The following DAD1 variants were observed in gnomAD, a reference collection of about 807,000 sequenced individuals.
The protein encoded by DAD1 is defender against cell death 1, also known as dolichyl-diphosphooligosaccharide--protein glycosyltransferase subunit DAD1.
A neutral mutation model predicts 9.0 loss-of-function variants in DAD1; 4 were observed. The observed-to-expected ratio is 0.44, with a 90% CI of 0.22 to 1.01. The LOEUF (loss-of-function observed/expected upper bound fraction) is 1.01, where lower values mean the gene tolerates loss of function less well. Ranked by LOEUF, DAD1 falls within the 50% of genes least tolerant of loss-of-function variation. The probability of loss-of-function intolerance (pLI) is 0.24; values close to 1 mark genes in which losing one functional copy is unlikely to be tolerated. For synonymous variants in DAD1, 60 were observed against 62.5 expected (o/e 0.96, Z 0.19); for missense variants, 119 against 137.3 (o/e 0.87, Z 0.67).
In DAD1 at chr14:22,580,680, A is replaced by T. The variant is rs2037110157; in HGVS notation, c.212-5447T>A. ...CAGATTATTTCAATGAAAACATATG[A>T]ATCAGAGTCCCACAAAGTTGGAAAG... On this transcript the variant is annotated intron_variant, in intron 1 of 2. Transcript: ENST00000250498. 4.6e-5 allele frequency among the ~76,000 whole-genome samples: 7 copies of T among 152,310 alleles called. No individual in the cohort carries two copies. In the South Asian group the frequency reaches 1.4e-3, roughly 32 times the overall value.
intron 2 of DAD1, among the ~76,000 whole-genome samples, chr14:22,570,237 A>G (rs977857421): frequency 1.3e-5 from 2 of 152,238 alleles, no homozygotes. Context: ...AACCAAAAAA[A>G]GAAGCTCTCA....
intron 1 of DAD1, among the ~76,000 whole-genome samples, chr14:22,579,260 C>T (rs1274925645): frequency 6.6e-6 from 1 of 151,870 alleles, no homozygotes; most frequent in South Asian, 2.1e-4. Context: ...TACACTCTTC[C>T]GAAGTATCTT....
At chr14:22,577,043 A>G (rs567317159) in intron 1 of DAD1, among the ~76,000 whole-genome samples, 1 of 152,338 alleles carries the variant, frequency 6.6e-6, no homozygotes, top group South Asian at 2.1e-4. Context: ...GCCAGTGTGA[A>G]AAACAGTACT....
At chr14:22,578,174 T>TTGGTGG (rs1405335979) in intron 1 of DAD1, among the ~76,000 whole-genome samples, 1 of 151,074 alleles carries the variant, frequency 6.6e-6, no homozygotes, top group Non-Finnish European at 1.5e-5. Flanking sequence ...GGCAGGAGAA[T>TTGGTGG]TGGTGGAGGT....
intron 2 of DAD1, among the ~76,000 whole-genome samples, chr14:22,569,418 G>A (rs902448932): frequency 1.4e-5 from 2 of 145,868 alleles, no homozygotes; most frequent in African/African-American, 5.1e-5. Context: ...GGACAACAAA[G>A]CGAGACTCCG....
At chr14:22,580,897 T>A (rs2037111776) in intron 1 of DAD1, among the ~76,000 whole-genome samples, 1 of 151,500 alleles carries the variant, frequency 6.6e-6, no homozygotes, top group African/African-American at 2.4e-5. Flanking sequence ...GTGTTACTGA[T>A]AAGGATATCA....
intron 1 of DAD1, among the ~76,000 whole-genome samples, chr14:22,578,448 C>A (rs2037093335): frequency 6.6e-6 from 1 of 152,090 alleles, no homozygotes; most frequent in Non-Finnish European, 1.5e-5. Context: ...CACCTGTAAT[C>A]CCAGCTACTC....
chr14:22,582,448 C>T (rs544455778), intron 1 of DAD1, among the ~76,000 whole-genome samples: 31 of 151,680 alleles, frequency 2.0e-4, no homozygotes, highest in Admixed American at 5.2e-4. Context: ...GGCGTGAACC[C>T]GGGAGGCGGA....
intron 2 of DAD1, among the ~76,000 whole-genome samples, chr14:22,574,333 G>A (rs2037062652): frequency 6.6e-6 from 1 of 152,126 alleles, no homozygotes; most frequent in Non-Finnish European, 1.5e-5. Flanking sequence ...CTCTGCTTGG[G>A]AGGGAGCGAT....
chr14:22,583,182 A>G (rs912683394), intron 1 of DAD1, among the ~76,000 whole-genome samples: 1 of 152,178 alleles, frequency 6.6e-6, no homozygotes, highest in Non-Finnish European at 1.5e-5. Flanking sequence ...TTCGGGGGAC[A>G]GTTCAAAACT....
intron 2 of DAD1, among the ~76,000 whole-genome samples, chr14:22,574,007 GA>G (rs2037060810): frequency 6.6e-6 from 1 of 152,166 alleles, no homozygotes; most frequent in Non-Finnish European, 1.5e-5. Context: ...GTGGTGACAG[GA>G]AGAGGTTGGT....
At chr14:22,575,604 G>A (rs1190039157) in intron 1 of DAD1, among the ~76,000 whole-genome samples, 1 of 152,200 alleles carries the variant, frequency 6.6e-6, no homozygotes, top group African/African-American at 2.4e-5. Flanking sequence ...CTGGAATGCA[G>A]TGGCATGATC....
At chr14:22,574,534 C>T (rs1408713163) in intron 2 of DAD1, among the ~76,000 whole-genome samples, 1 of 152,102 alleles carries the variant, frequency 6.6e-6, no homozygotes, top group Non-Finnish European at 1.5e-5. Context: ...CAAGCAGCAT[C>T]CCATCTTATA....
chr14:22,577,262 C>T lies in DAD1; in HGVS notation c.212-2029G>A, dbSNP rs1467303238. Among the ~76,000 whole-genome samples, 4 of 152,106 alleles carry T rather than the reference C, an allele frequency of 2.6e-5. No homozygotes were observed. In the East Asian group the frequency reaches 7.7e-4, roughly 29 times the overall value. Reference sequence around the variant, plus strand: ...CAGCCTGGCCAACATGGTGAAACCCCGTCTCTACTAAAAATACAAAAATTA... The same window carrying T: ...CAGCCTGGCCAACATGGTGAAACCCTGTCTCTACTAAAAATACAAAAATTA... On this transcript the variant is annotated intron_variant, in intron 1 of 2. Coordinates refer to ENST00000250498, the MANE Select transcript of DAD1 (RefSeq NM_001344.4).
intron 2 of DAD1, among the ~76,000 whole-genome samples, chr14:22,571,850 A>T (rs5742820): frequency 6.6e-6 from 1 of 151,538 alleles, no homozygotes; most frequent in Non-Finnish European, 1.5e-5. Flanking sequence ...GGCTGGTCTC[A>T]AACTCCTGAC....
intron 1 of DAD1, among the ~76,000 whole-genome samples, chr14:22,581,212 T>C (rs181126351): frequency 2.6e-5 from 4 of 152,280 alleles, no homozygotes; most frequent in Non-Finnish European, 5.9e-5. Context: ...GAGAAACATA[T>C]AATCAATAAG....
chr14:22,573,063 G>A (rs2139238685), intron 2 of DAD1, among the ~76,000 whole-genome samples: 1 of 152,252 alleles, frequency 6.6e-6, no homozygotes, highest in Middle Eastern at 3.4e-3. Flanking sequence ...CTGGATTTTT[G>A]CAGCACTTTG....
At chr14:22,573,512 A>C (rs1282908676) in intron 2 of DAD1, among the ~76,000 whole-genome samples, 1 of 152,000 alleles carries the variant, frequency 6.6e-6, no homozygotes, top group East Asian at 1.9e-4. Flanking sequence ...CAGGAGATCG[A>C]GATCATCCTA....
chr14:22,572,003 T>C (rs2037044610), intron 2 of DAD1, among the ~76,000 whole-genome samples: 1 of 152,178 alleles, frequency 6.6e-6, no homozygotes, highest in Non-Finnish European at 1.5e-5. Flanking sequence ...CGTGAAATTA[T>C]TCTGAAAATA....
Sources: gnomAD v4.1 joint callset for allele counts (sites outside exome capture counted in the v4.1 genomes callset) on GRCh38, gnomAD v4.1.1 for gene constraint, MANE v1.5 for transcripts, NCBI Gene and HGNC (gene_info 2026-07-23, HGNC 2026-07-21) for gene names.